ADAMTSL1: variants seen among roughly 807,000 people sequenced by gnomAD.
ADAMTSL1 encodes the protein ADAMTS like 1.
A neutral mutation model predicts 201.8 loss-of-function variants in ADAMTSL1; 126 were observed. The observed-to-expected ratio is 0.62, with a 90% CI of 0.54 to 0.72. ADAMTSL1 has a LOEUF of 0.72. Ranked by LOEUF, ADAMTSL1 falls within the 30% of genes least tolerant of loss-of-function variation. The probability of loss-of-function intolerance (pLI) is 0.00; values close to 1 mark genes in which losing one functional copy is unlikely to be tolerated. For synonymous variants in ADAMTSL1, 1,121 were observed against 903.4 expected, an observed-to-expected ratio of 1.24 and a Z score of -4.32; for missense variants, 2,679 against 2,277.8, an observed-to-expected ratio of 1.18 and a Z score of -3.59.
intron 3 of ADAMTSL1, among the ~76,000 whole-genome samples, chr9:18,541,640 C>T (rs1303262891): frequency 6.6e-6 from 1 of 152,126 alleles, no homozygotes; most frequent in African/African-American, 2.4e-5. Flanking sequence ...AGAACATGGG[C>T]CCTCTTGAAT....
At chr9:18,893,931 C>T (rs886166511) in intron 26 of ADAMTSL1, among the ~76,000 whole-genome samples, 1 of 152,212 alleles carries the variant, frequency 6.6e-6, no homozygotes, top group Non-Finnish European at 1.5e-5. Context: ...TCAGCTTTCT[C>T]CTTTTAATCC....
At chr9:18,240,069 A>G (rs1234310668) in intron 2 of ADAMTSL1, among the ~76,000 whole-genome samples, 4 of 152,154 alleles carry the variant, frequency 2.6e-5, no homozygotes, top group African/African-American at 9.7e-5. Context: ...AATGTTCTCA[A>G]TGGCATCTAG....
chr9:18,756,797 A>ATGT (rs1819801308), intron 16 of ADAMTSL1, among the ~76,000 whole-genome samples: 1 of 151,120 alleles, frequency 6.6e-6, no homozygotes, highest in South Asian at 2.1e-4. Context: ...GAGGGGAGAA[A>ATGT]CTCTCTCTCC....
intron 1 of ADAMTSL1, among the ~76,000 whole-genome samples, chr9:18,010,531 G>A (rs1820008733): frequency 2.6e-5 from 4 of 152,020 alleles, no homozygotes; most frequent in Admixed American, 2.6e-4. Flanking sequence ...GTGAACTAGA[G>A]TGAGTAATCC....
At chr9:18,483,964 G>C (rs756434664) in intron 1 of ADAMTSL1, among the ~76,000 whole-genome samples, 13 of 152,208 alleles carry the variant, frequency 8.5e-5, no homozygotes, top group Non-Finnish European at 1.5e-4. Flanking sequence ...ATACCAATAA[G>C]CCTCATTTAT....
intron 15 of ADAMTSL1, among the ~76,000 whole-genome samples, chr9:18,725,158 G>A (rs1386825616): frequency 6.6e-6 from 1 of 152,044 alleles, no homozygotes; most frequent in African/African-American, 2.4e-5. Flanking sequence ...TGCCCACCTC[G>A]GCCTCCCAAA....
At chr9:18,564,529 T>C (rs1821756068) in intron 3 of ADAMTSL1, among the ~76,000 whole-genome samples, 1 of 152,222 alleles carries the variant, frequency 6.6e-6, no homozygotes, top group African/African-American at 2.4e-5. Context: ...ACCCAAGGAA[T>C]AGTGGCAAGG....
chr9:18,007,370 ATGT>A (rs1287628418), intron 1 of ADAMTSL1, among the ~76,000 whole-genome samples: 2 of 152,076 alleles, frequency 1.3e-5, no homozygotes, highest in African/African-American at 4.8e-5. Flanking sequence ...GAACAGTTCC[ATGT>A]TTACAGTTAT....
chr9:18,844,662 A>C (rs1825970109), intron 23 of ADAMTSL1, among the ~76,000 whole-genome samples: 1 of 152,230 alleles, frequency 6.6e-6, no homozygotes, highest in Non-Finnish European at 1.5e-5. Flanking sequence ...AGAGGCAGGC[A>C]GGCCTCCTTG....
At chr9:17,997,112 A>T (rs1052203405) in intron 1 of ADAMTSL1, among the ~76,000 whole-genome samples, 1 of 152,108 alleles carries the variant, frequency 6.6e-6, no homozygotes, top group African/African-American at 2.4e-5. Context: ...TTTAGTATGC[A>T]TGGTGAAAAG....
At chr9:18,491,238 C>T (rs527435802) in intron 1 of ADAMTSL1, among the ~76,000 whole-genome samples, 2 of 152,154 alleles carry the variant, frequency 1.3e-5, no homozygotes, top group African/African-American at 2.4e-5. Context: ...TGTGGTGTGC[C>T]TCAGCATTCT....
At chr9:18,474,829 A>G (rs368159205) in intron 1 of ADAMTSL1, among the ~76,000 whole-genome samples, 63 of 152,076 alleles carry the variant, frequency 4.1e-4, no homozygotes, top group African/African-American at 1.5e-3. Context: ...TCATTTATGG[A>G]TAGAAGTTAA....
intron 1 of ADAMTSL1, among the ~76,000 whole-genome samples, chr9:18,157,405 G>C (rs1260309236): frequency 1.3e-5 from 2 of 151,912 alleles, no homozygotes; most frequent in East Asian, 3.9e-4. Context: ...TTAAACATAA[G>C]TTTGTTCCCC....
intron 1 of ADAMTSL1, among the ~76,000 whole-genome samples, chr9:17,941,582 C>T (rs1827240173): frequency 6.6e-6 from 1 of 152,074 alleles, no homozygotes; most frequent in Admixed American, 6.6e-5. Context: ...TCTCCTGTGT[C>T]CTACTATCAA....
chr9:18,788,262 CGGA>C (rs1366225440), intron 19 of ADAMTSL1, among the ~76,000 whole-genome samples: 5 of 152,150 alleles, frequency 3.3e-5, no homozygotes, highest in Non-Finnish European at 5.9e-5. Flanking sequence ...ATCCTGCTCA[CGGA>C]GGAGATCTCA....
intron 2 of ADAMTSL1, among the ~76,000 whole-genome samples, chr9:18,172,552 C>A (rs1827947437): frequency 6.6e-6 from 1 of 152,036 alleles, no homozygotes; most frequent in African/African-American, 2.4e-5. Context: ...ATTGGTATAA[C>A]CACTTTAAAG....
intron 1 of ADAMTSL1, among the ~76,000 whole-genome samples, chr9:18,009,747 T>C (rs1819975476): frequency 1.3e-5 from 2 of 151,968 alleles, no homozygotes; most frequent in African/African-American, 2.4e-5. Flanking sequence ...TGGTAGTGTG[T>C]AAGATCAAGT....
At chr9:18,105,301 A>G (rs113993005) in intron 1 of ADAMTSL1, among the ~76,000 whole-genome samples, 3 of 152,282 alleles carry the variant, frequency 2.0e-5, no homozygotes, top group African/African-American at 7.2e-5. Flanking sequence ...GAACTTGGCC[A>G]TACTTGTTTA....
chr9:17,975,299 C>A (rs1818399818), intron 1 of ADAMTSL1, among the ~76,000 whole-genome samples: 1 of 151,812 alleles, frequency 6.6e-6, no homozygotes, highest in Non-Finnish European at 1.5e-5. Context: ...AACAAAATAT[C>A]ATAAGCTGAG....
Sources: gnomAD v4.1 joint callset for allele counts (sites outside exome capture counted in the v4.1 genomes callset) on GRCh38, gnomAD v4.1.1 for gene constraint, MANE v1.5 for transcripts, NCBI Gene and HGNC (gene_info 2026-07-23, HGNC 2026-07-21) for gene names.